The following PDE10A variants were observed in gnomAD, a reference collection of about 807,000 sequenced individuals.
PDE10A encodes cAMP and cAMP-inhibited cGMP 3',5'-cyclic phosphodiesterase 10A.
In PDE10A, 39 loss-of-function variants were observed where a neutral mutation model predicts 97.7. The ratio of observed to expected loss-of-function variants is 0.40; its 90% CI spans 0.31 to 0.52. The LOEUF (loss-of-function observed/expected upper bound fraction) is 0.52. Among genes scored for constraint, PDE10A ranks in the 20% least tolerant of loss-of-function variants. The pLI is 0.56. For synonymous variants in PDE10A, 371 were observed against 376.8 expected, an observed-to-expected ratio of 0.98 and a Z score of 0.18; for missense variants, 731 against 1,047.8, an observed-to-expected ratio of 0.70 and a Z score of 4.17.
At position 165,670,893 on chromosome 6, in the gene PDE10A, A is replaced by G. The variant is rs78518611; in HGVS notation, c.-614-127325T>C. On this transcript the variant is annotated intron_variant, in intron 1 of 19. Transcript: ENST00000366882. ...AAAAGGACCCCTTAGATGGGTTACTACGGTAGAGTCTCACAGTGTGCAGGA... is the reference window on the plus strand; with the variant it reads ...AAAAGGACCCCTTAGATGGGTTACTGCGGTAGAGTCTCACAGTGTGCAGGA... Among the ~76,000 whole-genome samples the G allele has an allele frequency of 1.4e-4, 21 of 152,342 alleles. No individual in the cohort carries two copies. The East Asian group carries it at 4.1e-3, about 29-fold the overall frequency.
chr6:165,406,751 C>T (rs1787208647), intron 13 of PDE10A, among the ~76,000 whole-genome samples: 1 of 152,104 alleles, frequency 6.6e-6, no homozygotes, highest in Non-Finnish European at 1.5e-5. Flanking sequence ...AAGACCTGCC[C>T]TTATCCAATG....
chr6:165,763,013 GGA>G (rs1793289061), intron 1 of PDE10A, among the ~76,000 whole-genome samples: 1 of 152,170 alleles, frequency 6.6e-6, no homozygotes. Flanking sequence ...TATTTATGCT[GGA>G]AATTGGCCAC....
chr6:165,797,042 AAT>A (rs1778848946), intron 1 of PDE10A, among the ~76,000 whole-genome samples: 1 of 152,242 alleles, frequency 6.6e-6, no homozygotes, highest in Non-Finnish European at 1.5e-5. Flanking sequence ...GAGTCTTACC[AAT>A]AATTGTACCC....
At chr6:165,983,631 G>A (rs980701317) in intron 1 of PDE10A, among the ~76,000 whole-genome samples, 1 of 152,204 alleles carries the variant, frequency 6.6e-6, no homozygotes, top group Non-Finnish European at 1.5e-5. Flanking sequence ...CTCAATGGTT[G>A]AAATGAGCAA....
At chr6:165,589,977 T>C (rs571401905) in intron 1 of PDE10A, among the ~76,000 whole-genome samples, 5 of 152,226 alleles carry the variant, frequency 3.3e-5, no homozygotes, top group Non-Finnish European at 5.9e-5. Flanking sequence ...CTGTTAAGTT[T>C]AAATATGCAT....
intron 1 of PDE10A, among the ~76,000 whole-genome samples, chr6:165,752,987 A>C (rs946225464): frequency 6.6e-6 from 1 of 152,228 alleles, no homozygotes; most frequent in Non-Finnish European, 1.5e-5. Context: ...ACATTAGAGA[A>C]TTCCACGCCC....
chr6:165,463,751 T>C (rs1778467699), intron 3 of PDE10A, among the ~76,000 whole-genome samples: 1 of 152,202 alleles, frequency 6.6e-6, no homozygotes, highest in African/African-American at 2.4e-5. Context: ...CACTGTGACA[T>C]GTTCATGGCC....
intron 1 of PDE10A, among the ~76,000 whole-genome samples, chr6:165,785,316 T>C (rs1353249233): frequency 6.6e-6 from 1 of 152,194 alleles, no homozygotes; most frequent in African/African-American, 2.4e-5. Context: ...CCCCATATAC[T>C]CCTTTTCTAG....
intron 3 of PDE10A, among the ~76,000 whole-genome samples, chr6:165,461,280 CTG>C (rs1562488771): frequency 6.6e-6 from 1 of 152,160 alleles, no homozygotes; most frequent in Non-Finnish European, 1.5e-5. Context: ...ATTTAAAAGA[CTG>C]TTTGTTTGCT....
At chr6:165,826,466 C>T (rs1241116181) in intron 1 of PDE10A, among the ~76,000 whole-genome samples, 1 of 136,290 alleles carries the variant, frequency 7.3e-6, no homozygotes, top group Non-Finnish European at 1.7e-5. Context: ...TCTCTGTCCC[C>T]ATGTCCACCT....
At chr6:165,828,686 G>A (rs1045331455) in intron 1 of PDE10A, among the ~76,000 whole-genome samples, 1 of 152,154 alleles carries the variant, frequency 6.6e-6, no homozygotes, top group Non-Finnish European at 1.5e-5. Context: ...CTTTTTTGAG[G>A]AGATCTTGCT....
intron 17 of PDE10A, among the ~76,000 whole-genome samples, chr6:165,387,275 T>C (rs1379339695): frequency 6.6e-6 from 1 of 152,098 alleles, no homozygotes; most frequent in Non-Finnish European, 1.5e-5. Context: ...GCACCCACAA[T>C]AGAGTAAGTT....
intron 1 of PDE10A, among the ~76,000 whole-genome samples, chr6:165,820,134 G>T (rs1271059688): frequency 1.3e-5 from 2 of 152,194 alleles, no homozygotes; most frequent in African/African-American, 4.8e-5. Context: ...GTTATAAGAT[G>T]CTGTGTGATT....
rs1460838490 is a variant in PDE10A at position 165,661,841 on chromosome 6, C to T, written c.865+106G>A. The T allele has an allele frequency of 1.8e-5, 11 of 617,118 alleles. 1 individual carries two copies. Among genetic ancestry groups the T allele is most frequent in the Admixed American group, 1.6e-4 (6 of 37,626 alleles). 38.2% of individuals were successfully genotyped at this position (617,118 alleles called of 1,614,324 possible). ...TGGGCGCTCCACGCCCGGGCACGGGCACCTCGCTCGACACCCGCTTCCCAC... is the reference window on the plus strand; with the variant it reads ...TGGGCGCTCCACGCCCGGGCACGGGTACCTCGCTCGACACCCGCTTCCCAC... On this transcript the variant is annotated intron_variant, in intron 1 of 21. Transcript: ENST00000539869. This position sits in a 1 kb window ranked among gnomAD's most constrained non-coding sequence, Gnocchi z 4.8.
intron 1 of PDE10A, among the ~76,000 whole-genome samples, chr6:165,911,820 C>A (rs1486667057): frequency 6.6e-6 from 1 of 152,140 alleles, no homozygotes; most frequent in Non-Finnish European, 1.5e-5. Context: ...AGAGCCAGCA[C>A]CCAAAAGGCC....
rs200986671 is a variant in PDE10A, at chr6:165,440,901, C to G, written c.1195-5524G>C. On this transcript the variant is annotated intron_variant, in intron 5 of 21. Transcript: ENST00000539869. ...TTTCACAAACAACTCTGATAGATAACAGTGGAAAAACTATAAAGATACTAT... is the reference window on the plus strand; with the variant it reads ...TTTCACAAACAACTCTGATAGATAAGAGTGGAAAAACTATAAAGATACTAT... Among the ~76,000 whole-genome samples the G allele has an allele frequency of 2.0e-5, 3 of 152,072 alleles. No individual in the cohort carries two copies. In the East Asian group the frequency reaches 5.8e-4, roughly 29 times the overall value.
At chr6:165,627,881 T>C (rs572422930) in intron 1 of PDE10A, among the ~76,000 whole-genome samples, 1 of 152,366 alleles carries the variant, frequency 6.6e-6, no homozygotes, top group African/African-American at 2.4e-5. Flanking sequence ...CCGCATTACC[T>C]ATCACCAAGT....
intron 1 of PDE10A, among the ~76,000 whole-genome samples, chr6:165,608,906 T>C (rs1176491467): frequency 6.6e-6 from 1 of 152,266 alleles, no homozygotes; most frequent in Admixed American, 6.5e-5. Flanking sequence ...TGCATAAATG[T>C]CTTCTTTTGA....
chr6:165,529,077 A>C (rs1782620125), intron 2 of PDE10A, among the ~76,000 whole-genome samples: 1 of 152,140 alleles, frequency 6.6e-6, no homozygotes, highest in African/African-American at 2.4e-5. Context: ...TCTTATTTCC[A>C]GAGGAAGAAA....
Sources: gnomAD v4.1 joint callset for allele counts (sites outside exome capture counted in the v4.1 genomes callset) on GRCh38, gnomAD v4.1.1 for gene constraint, Gnocchi (gnomAD v3.1) non-coding constraint, MANE v1.5 for transcripts, NCBI Gene and HGNC (gene_info 2026-07-23, HGNC 2026-07-21) for gene names.